The following ARHGAP21 variants were observed in gnomAD, a reference collection of about 807,000 sequenced individuals.
The protein encoded by ARHGAP21 is rho GTPase-activating protein 21.
In ARHGAP21, 38 loss-of-function variants were observed where a neutral mutation model predicts 164.6. That is an observed-to-expected ratio of 0.23 (90% CI 0.18 to 0.30). ARHGAP21 has a LOEUF of 0.30. Ranked by LOEUF, ARHGAP21 falls within the 10% of genes least tolerant of loss-of-function variation. The pLI is 1.00. For missense variants in ARHGAP21, 1,822 were observed against 2,370.7 expected, an observed-to-expected ratio of 0.77 and a Z score of 4.81; for synonymous variants, 766 against 857.9, an observed-to-expected ratio of 0.89 and a Z score of 1.87.
At chr10:24,593,476 TTTA>T (rs2076428189) in intron 21 of ARHGAP21, among the ~76,000 whole-genome samples, 1 of 152,170 alleles carries the variant, frequency 6.6e-6, no homozygotes, top group Non-Finnish European at 1.5e-5. Context: ...AACATTAATA[TTTA>T]TATGTATACA....
intron 16 of ARHGAP21, among the ~76,000 whole-genome samples, chr10:24,597,182 C>T (rs767618329): frequency 6.6e-6 from 1 of 151,238 alleles, no homozygotes; most frequent in African/African-American, 2.4e-5. Flanking sequence ...AATGATAGGA[C>T]CTGAATCCTC....
chr10:24,721,654 C>T (rs1047839174), intron 2 of ARHGAP21, among the ~76,000 whole-genome samples, 183 bp downstream of exon 2: 12 of 152,188 alleles, frequency 7.9e-5, no homozygotes, highest in African/African-American at 2.7e-4. Context: ...ACACGGGAGT[C>T]CCTGGAAACA....
intron 4 of ARHGAP21, among the ~76,000 whole-genome samples, chr10:24,639,901 T>C (rs1299676299): frequency 7.1e-6 from 1 of 141,474 alleles, no homozygotes; most frequent in Non-Finnish European, 1.5e-5. Context: ...TATTTGAAAT[T>C]TCTAAATATT....
rs762670936 is a variant in ARHGAP21, at chr10:24,633,300, T to C, written c.440+102A>G. 1.4e-4 allele frequency: 121 copies of C among 846,254 alleles called. 1 individual carries two copies. The highest frequency in any genetic ancestry group is 2.0e-4 in the Non-Finnish European group (112 of 556,112). The allele number at this position is 846,254 out of a possible 1,614,324, so 52.4% of individuals were successfully genotyped here. ...TCTAAGGGAAAGTTCCACATCTCCT[T>C]GTCACCACAATTCCTTGTAAGAATA... On this transcript the variant is annotated intron_variant, in intron 6 of 25. Transcript: ENST00000396432.
intron 2 of ARHGAP21, among the ~76,000 whole-genome samples, chr10:24,694,649 C>A (rs186386012): frequency 3.6e-4 from 55 of 152,294 alleles, no homozygotes; most frequent in Admixed American, 9.2e-4. Context: ...TAGGTGGTGT[C>A]CTCTGAACTT....
intron 2 of ARHGAP21, among the ~76,000 whole-genome samples, chr10:24,692,232 C>T (rs1165553597): frequency 6.6e-6 from 1 of 152,086 alleles, no homozygotes. Flanking sequence ...AGTGGAGATA[C>T]TTAGCAGTTA....
chr10:24,632,468 T>C (rs147194598), intron 6 of ARHGAP21, among the ~76,000 whole-genome samples: 100 of 152,326 alleles, frequency 6.6e-4, no homozygotes, highest in Non-Finnish European at 1.1e-3. Context: ...CATTAAATAT[T>C]AAAACATTAA....
intron 6 of ARHGAP21, among the ~76,000 whole-genome samples, chr10:24,630,641 T>C (rs1173893970): frequency 2.0e-5 from 3 of 152,050 alleles, no homozygotes; most frequent in African/African-American, 7.2e-5. Context: ...ACAGGGCATG[T>C]GCCACCATAC....
intron 9 of ARHGAP21, among the ~76,000 whole-genome samples, chr10:24,615,837 C>T (rs997228450): frequency 1.3e-5 from 2 of 152,206 alleles, no homozygotes; most frequent in Middle Eastern, 3.4e-3. Context: ...TGCAGTGGTA[C>T]GATCTCAGCT....
intron 2 of ARHGAP21, among the ~76,000 whole-genome samples, chr10:24,719,165 T>C (rs1845691570): frequency 6.6e-6 from 1 of 151,520 alleles, no homozygotes; most frequent in African/African-American, 2.4e-5. Flanking sequence ...GAGTGAGTGA[T>C]TTCAAGTTTT....
intron 2 of ARHGAP21, among the ~76,000 whole-genome samples, chr10:24,682,881 G>T (rs569249722): frequency 7.6e-4 from 116 of 152,000 alleles, no homozygotes; most frequent in Non-Finnish European, 6.0e-4. Flanking sequence ...GGATCACGAG[G>T]TCAGGAGATT....
intron 8 of ARHGAP21, among the ~76,000 whole-genome samples, chr10:24,622,434 ATATATATATATAT>A: frequency 1.5e-3 from 1 of 672 alleles, no homozygotes; most frequent in Non-Finnish European, 2.5e-3. Flanking sequence ...CTTAAAAAAC[ATATATATATATAT>A]ATATATATAT....
At chr10:24,658,478 A>C (rs924922992) in intron 4 of ARHGAP21, among the ~76,000 whole-genome samples, 4 of 152,228 alleles carry the variant, frequency 2.6e-5, no homozygotes, top group Non-Finnish European at 4.4e-5. Flanking sequence ...GCACATGTAC[A>C]CCATGGAATA....
At chr10:24,679,733 T>C (rs972387147) in intron 2 of ARHGAP21, among the ~76,000 whole-genome samples, 3 of 152,232 alleles carry the variant, frequency 2.0e-5, no homozygotes, top group Non-Finnish European at 4.4e-5. Flanking sequence ...TATCTTTTCA[T>C]GTGCTTAGCT....
At chr10:24,718,684 T>C (rs1182603678) in intron 2 of ARHGAP21, among the ~76,000 whole-genome samples, 2 of 152,212 alleles carry the variant, frequency 1.3e-5, no homozygotes, top group African/African-American at 2.4e-5. Context: ...AAATGTCTTA[T>C]TGTATTGTTT....
intron 7 of ARHGAP21, 190 bp downstream of exon 7, chr10:24,629,806 A>G (rs752870927): frequency 1.5e-6 from 1 of 653,084 alleles, no homozygotes; most frequent in Non-Finnish European, 2.9e-6. Flanking sequence ...TTTCCATGTC[A>G]CTTAATTGCA....
chr10:24,708,524 A>G (rs1416826413), intron 2 of ARHGAP21, among the ~76,000 whole-genome samples: 1 of 152,132 alleles, frequency 6.6e-6, no homozygotes, highest in Non-Finnish European at 1.5e-5. Context: ...TATATTTATC[A>G]CCCAAATAAC....
intron 5 of ARHGAP21, 128 bp from the exon 6 acceptor site, chr10:24,633,608 TTG>T (rs888545241): frequency 7.7e-6 from 4 of 516,322 alleles, no homozygotes; most frequent in African/African-American, 5.8e-5. Context: ...AAATACAGAG[TTG>T]TGAGAAAATT....
At chr10:24,628,663 T>C (rs911434958) in intron 7 of ARHGAP21, among the ~76,000 whole-genome samples, 2 of 151,656 alleles carry the variant, frequency 1.3e-5, no homozygotes, top group African/African-American at 2.4e-5. Context: ...GATCTGTTAG[T>C]TGTAAGTATG....
Sources: allele counts gnomAD v4.1 joint callset (sites outside exome capture counted in the v4.1 genomes callset), GRCh38; gene constraint gnomAD v4.1.1; transcripts MANE v1.5; gene names NCBI Gene and HGNC (gene_info 2026-07-23, HGNC 2026-07-21).